MACROD2: variants seen among roughly 807,000 people sequenced by gnomAD.
MACROD2 encodes mono-ADP ribosylhydrolase 2.
In MACROD2, 36 loss-of-function variants were observed where a neutral mutation model predicts 70.4. The observed-to-expected ratio is 0.51, with a 90% CI of 0.39 to 0.68. MACROD2 has a LOEUF of 0.68. Ranked by LOEUF, MACROD2 falls within the 30% of genes least tolerant of loss-of-function variation. The pLI, the probability that MACROD2 is intolerant of heterozygous loss-of-function variation, is 0.00. For synonymous variants in MACROD2, 172 were observed against 178.8 expected, an observed-to-expected ratio of 0.96 and a Z score of 0.30; for missense variants, 496 against 538.4, an observed-to-expected ratio of 0.92 and a Z score of 0.78.
intron 6 of MACROD2, among the ~76,000 whole-genome samples, chr20:15,284,934 C>A (rs544662142): frequency 6.6e-6 from 1 of 152,246 alleles, no homozygotes; most frequent in African/African-American, 2.4e-5. Flanking sequence ...AATAATAGTA[C>A]TTTGATAATG....
intron 4 of MACROD2, among the ~76,000 whole-genome samples, chr20:14,660,100 A>G (rs1986155533): frequency 6.6e-6 from 1 of 152,202 alleles, no homozygotes; most frequent in Non-Finnish European, 1.5e-5. Flanking sequence ...TTAAAAGCAT[A>G]TTGATAAATA....
chr20:15,443,058 C>G (rs73270991), intron 7 of MACROD2, among the ~76,000 whole-genome samples: 1 of 152,096 alleles, frequency 6.6e-6, no homozygotes, highest in Admixed American at 6.6e-5. Context: ...AAACTAAAAT[C>G]AATACATTGA....
intron 3 of MACROD2, among the ~76,000 whole-genome samples, chr20:14,382,645 G>A (rs547191368): frequency 3.3e-5 from 5 of 151,190 alleles, no homozygotes; most frequent in Non-Finnish European, 7.4e-5. Flanking sequence ...TCCAGTCTGG[G>A]CAAGAAGAGC....
intron 9 of MACROD2, among the ~76,000 whole-genome samples, chr20:15,873,067 G>A (rs1331972471): frequency 6.6e-6 from 1 of 152,020 alleles, no homozygotes; most frequent in African/African-American, 2.4e-5. Flanking sequence ...AATCATCTTT[G>A]TAGTTAAATA....
At chr20:14,912,506 C>T (rs940894276) in intron 5 of MACROD2, among the ~76,000 whole-genome samples, 3 of 152,078 alleles carry the variant, frequency 2.0e-5, no homozygotes, top group Non-Finnish European at 2.9e-5. Context: ...GCCAGCTAGT[C>T]TTCAAGGGAA....
chr20:15,301,445 A>G (rs995973679), intron 6 of MACROD2, among the ~76,000 whole-genome samples: 2 of 152,106 alleles, frequency 1.3e-5, no homozygotes, highest in African/African-American at 4.8e-5. Context: ...CTTGTTCCCA[A>G]ATGATGTTAG....
chr20:15,168,440 GATGTGT>G (rs763098672), intron 5 of MACROD2, among the ~76,000 whole-genome samples: 2 of 105,306 alleles, frequency 1.9e-5, no homozygotes, highest in Non-Finnish European at 1.9e-5. Context: ...CACATTGTGG[GATGTGT>G]GTGTGTGTGT....
chr20:15,938,466 G>T (rs76439497), intron 12 of MACROD2, among the ~76,000 whole-genome samples: 2,037 of 152,190 alleles, frequency 0.013, 46 homozygotes, highest in African/African-American at 0.046. Flanking sequence ...GGTGATCAGT[G>T]ATCAGTGATC....
intron 8 of MACROD2, among the ~76,000 whole-genome samples, chr20:15,533,206 G>A (rs982200207): frequency 2.2e-4 from 33 of 152,156 alleles, no homozygotes; most frequent in African/African-American, 7.5e-4. Flanking sequence ...TCTCCCTAAT[G>A]ATTTTGAGGC....
intron 8 of MACROD2, among the ~76,000 whole-genome samples, chr20:15,838,524 T>C (rs2064137734): frequency 6.6e-6 from 1 of 152,166 alleles, no homozygotes; most frequent in Admixed American, 6.5e-5. Context: ...AAGATAGCTT[T>C]GGGGGTTCAT....
At chr20:15,340,470 C>A (rs919481052) in intron 6 of MACROD2, among the ~76,000 whole-genome samples, 2 of 152,080 alleles carry the variant, frequency 1.3e-5, no homozygotes, top group African/African-American at 4.8e-5. Flanking sequence ...TTTGAATAGA[C>A]CTAACCCACA....
At chr20:15,562,797 C>T (rs764186191) in intron 8 of MACROD2, among the ~76,000 whole-genome samples, 1 of 152,040 alleles carries the variant, frequency 6.6e-6, no homozygotes, top group Non-Finnish European at 1.5e-5. Context: ...GAAAATAAGA[C>T]CTTTGAATTG....
chr20:15,040,637 A>G (rs945403627), intron 5 of MACROD2, among the ~76,000 whole-genome samples: 1 of 152,126 alleles, frequency 6.6e-6, no homozygotes, highest in Non-Finnish European at 1.5e-5. Flanking sequence ...TGGATTGCCA[A>G]TTCCCCATGT....
intron 2 of MACROD2, among the ~76,000 whole-genome samples, chr20:14,078,182 G>A (rs983569056): frequency 2.0e-5 from 3 of 152,076 alleles, no homozygotes; most frequent in Non-Finnish European, 2.9e-5. Flanking sequence ...GATTACAGGC[G>A]TGAGCCATCG....
chr20:14,492,508 C>T (rs563675118), intron 3 of MACROD2, among the ~76,000 whole-genome samples: 1 of 152,138 alleles, frequency 6.6e-6, no homozygotes, highest in South Asian at 2.1e-4. Flanking sequence ...GATATTTGCA[C>T]CTCTTAAATT....
intron 12 of MACROD2, among the ~76,000 whole-genome samples, chr20:15,955,542 T>G (rs1438500158): frequency 2.6e-5 from 4 of 152,170 alleles, no homozygotes; most frequent in African/African-American, 9.7e-5. Flanking sequence ...GGATGATCCT[T>G]TGGCAAGCTA....
intron 1 of MACROD2, 40 bp from the exon 2 acceptor site, chr20:14,002,248 A>G (rs2052741875): frequency 1.5e-6 from 2 of 1,312,280 alleles, no homozygotes; most frequent in African/African-American, 3.0e-5. Flanking sequence ...CCATGTTTAA[A>G]CGTTAAATAC....
intron 2 of MACROD2, among the ~76,000 whole-genome samples, chr20:14,035,878 G>C (rs184883018): frequency 3.1e-4 from 47 of 152,290 alleles, no homozygotes; most frequent in Middle Eastern, 3.4e-3. Flanking sequence ...CGCGGTGGCT[G>C]ACGCCTGTAA....
chr20:14,002,364 A>G lies in MACROD2; in HGVS notation c.123A>G (p.Leu41=), dbSNP rs369569017. 84 of 1,609,188 alleles carry G rather than the reference A, an allele frequency of 5.2e-5. No homozygotes were observed. Among genetic ancestry groups the G allele is most frequent in the South Asian group, 3.3e-4 (30 of 90,118 alleles). Residue 41 remains leucine (L), a synonymous_variant, in exon 2 of 18, where the codon CTA becomes CTG. Transcript: ENST00000684519. The part of the protein sequence containing the change: ...LRDYIPLNSI[L]SWKEEMKGKG... ...ACTATATTCCCCTGAACAGCATTCT[A>G]TCATGGAAGGAGGAGATGAAGGGCA... is the stretch of plus-strand genomic sequence containing the variant.
Sources: allele counts gnomAD v4.1 joint callset (sites outside exome capture counted in the v4.1 genomes callset), GRCh38; gene constraint gnomAD v4.1.1; transcripts MANE v1.5; gene names NCBI Gene and HGNC (gene_info 2026-07-23, HGNC 2026-07-21).